Variants in AUTS2 observed in about 807,000 individuals in gnomAD.
The protein encoded by AUTS2 is autism susceptibility gene 2 protein.
A neutral mutation model predicts 112.4 loss-of-function variants in AUTS2; 17 were observed. That is an observed-to-expected ratio of 0.15 (90% confidence interval 0.10 to 0.23). The LOEUF (loss-of-function observed/expected upper bound fraction) is 0.23. Among genes scored for constraint, AUTS2 ranks in the 10% least tolerant of loss-of-function variants. The pLI, the probability that AUTS2 is intolerant of heterozygous loss-of-function variation, is 1.00. For synonymous variants in AUTS2, 751 were observed against 702.7 expected, an observed-to-expected ratio of 1.07 and a Z score of -1.09; for missense variants, 1,510 against 1,701.6, an observed-to-expected ratio of 0.89 and a Z score of 1.98.
At position 69,616,881 on chromosome 7, in the gene AUTS2, G is replaced by C. The variant is rs569327918; in HGVS notation, c.309+16919G>C. ...TATGTATTAGGATTACATTCTCTTT[G>C]AGAAGAAAAAAGTGTCTGGATTTGT... On this transcript the variant is annotated intron_variant, in intron 1 of 18. Coordinates refer to ENST00000342771, the MANE Select transcript of AUTS2 (RefSeq NM_015570.4). Among the ~76,000 whole-genome samples, 11 of 152,052 alleles carry C rather than the reference G, an allele frequency of 7.2e-5. 1 individual carries two copies. The South Asian group carries it at 2.3e-3, about 32-fold the overall frequency.
At chr7:70,033,823 G>A (rs1200188659) in intron 2 of AUTS2, among the ~76,000 whole-genome samples, 2 of 152,042 alleles carry the variant, frequency 1.3e-5, no homozygotes, top group Admixed American at 6.6e-5. Context: ...GTGGAGGGGC[G>A]GGGAGGATAG....
intron 4 of AUTS2, among the ~76,000 whole-genome samples, chr7:70,205,248 G>T (rs1810511049): frequency 6.6e-6 from 1 of 152,054 alleles, no homozygotes; most frequent in African/African-American, 2.4e-5. Context: ...GGATCTCACT[G>T]TATTGCCCAG....
chr7:69,826,999 A>G (rs1791278053), intron 1 of AUTS2, among the ~76,000 whole-genome samples: 1 of 152,120 alleles, frequency 6.6e-6, no homozygotes, highest in Admixed American at 6.5e-5. Flanking sequence ...CTCTGTCTTT[A>G]TTAGGCATTT....
At chr7:70,113,894 C>T (rs569694966) in intron 2 of AUTS2, among the ~76,000 whole-genome samples, 14 of 152,158 alleles carry the variant, frequency 9.2e-5, no homozygotes, top group East Asian at 1.9e-4. Context: ...GATGGGACTT[C>T]GTTACATGTT....
chr7:69,826,726 G>A (rs980831113), intron 1 of AUTS2, among the ~76,000 whole-genome samples: 1 of 152,092 alleles, frequency 6.6e-6, no homozygotes, highest in Non-Finnish European at 1.5e-5. Context: ...TTTGTGTGTG[G>A]TATTTTATTC....
At chr7:70,041,263 A>T (rs937293345) in intron 2 of AUTS2, among the ~76,000 whole-genome samples, 2 of 152,216 alleles carry the variant, frequency 1.3e-5, no homozygotes, top group South Asian at 2.1e-4. Context: ...CTCTTAAAAA[A>T]ATATTATCCA....
chr7:70,570,073 C>G (rs1209445010), intron 5 of AUTS2, among the ~76,000 whole-genome samples: 1 of 152,124 alleles, frequency 6.6e-6, no homozygotes, highest in Non-Finnish European at 1.5e-5. Flanking sequence ...GTGCTTATAC[C>G]TTGTTTTAAT....
chr7:69,600,023 G>T (rs1792292719), intron 1 of AUTS2, 61 bp downstream of exon 1: 1 of 1,560,966 alleles, frequency 6.4e-7, no homozygotes, highest in Non-Finnish European at 8.8e-7. Flanking sequence ...GGCTGCGCCC[G>T]GCTCTCCTGC....
At chr7:69,843,807 A>C (rs1792081285) in intron 1 of AUTS2, among the ~76,000 whole-genome samples, 1 of 152,168 alleles carries the variant, frequency 6.6e-6, no homozygotes, top group Admixed American at 6.5e-5. Context: ...CATTTTAGAG[A>C]AGAGGAAACT....
Position 70,060,948 on chromosome 7 carries a change from CT to C in AUTS2, c.523-57179del, listed in dbSNP as rs1213927462. On this transcript the variant is annotated intron_variant, in intron 2 of 18. Transcript: ENST00000342771. ...CAGAACAGGAATGGCAGGAAACCAG[CT>C]TTTTCTGTTTCTCTGGAGTTCTCTT... Among the ~76,000 whole-genome samples the C allele has an allele frequency of 2.0e-5, 3 of 152,294 alleles. No homozygotes were observed. In the South Asian group the frequency reaches 6.2e-4, roughly 32 times the overall value.
At chr7:70,645,407 G>GA (rs1322219183) in intron 5 of AUTS2, among the ~76,000 whole-genome samples, 2 of 151,944 alleles carry the variant, frequency 1.3e-5, no homozygotes, top group Non-Finnish European at 2.9e-5. Context: ...GATCCAACCG[G>GA]AAGCTGCACC....
In AUTS2 at chr7:69,610,366, A is replaced by G. The variant is rs1036262634; in HGVS notation, c.309+10404A>G. On this transcript the variant is annotated intron_variant, in intron 1 of 18. Coordinates refer to ENST00000342771, the MANE Select transcript of AUTS2 (RefSeq NM_015570.4). Reference sequence around the variant, plus strand: ...CTACCTCTACTCACTCTCTGGACTGATATGTTGACAAAATTGGTGTAAATC... The same window carrying G: ...CTACCTCTACTCACTCTCTGGACTGGTATGTTGACAAAATTGGTGTAAATC... Among the ~76,000 whole-genome samples, 5 of 152,320 alleles carry G rather than the reference A, an allele frequency of 3.3e-5. No homozygotes were observed. The East Asian group carries it at 9.6e-4, about 29-fold the overall frequency.
intron 1 of AUTS2, among the ~76,000 whole-genome samples, chr7:69,836,409 T>C (rs187661293): frequency 8.5e-5 from 13 of 152,242 alleles, no homozygotes; most frequent in Admixed American, 3.3e-4. Flanking sequence ...ATAGAACAAT[T>C]TTATCTTTTT....
intron 2 of AUTS2, among the ~76,000 whole-genome samples, chr7:70,033,306 G>T (rs1042351739): frequency 6.6e-6 from 1 of 152,178 alleles, no homozygotes; most frequent in Non-Finnish European, 1.5e-5. Flanking sequence ...TGTAATGTAT[G>T]TGTATAGTGA....
intron 4 of AUTS2, among the ~76,000 whole-genome samples, chr7:70,415,386 A>G (rs947562898): frequency 6.6e-6 from 1 of 152,224 alleles, no homozygotes; most frequent in African/African-American, 2.4e-5. Context: ...AGCTGATGGA[A>G]TACATGTGTA....
chr7:70,422,737 C>G (rs185827020), intron 4 of AUTS2, among the ~76,000 whole-genome samples: 4 of 152,262 alleles, frequency 2.6e-5, no homozygotes, highest in African/African-American at 9.6e-5. Flanking sequence ...GATCGCGCCA[C>G]TGTGCTCCAG....
At chr7:69,939,148 A>T (rs1209504684) in intron 2 of AUTS2, among the ~76,000 whole-genome samples, 1 of 152,176 alleles carries the variant, frequency 6.6e-6, no homozygotes, top group Non-Finnish European at 1.5e-5. Context: ...CTTACCTATA[A>T]ATGCTGGTGA....
chr7:70,053,027 C>CA (rs929113299), intron 2 of AUTS2, among the ~76,000 whole-genome samples: 2 of 152,184 alleles, frequency 1.3e-5, no homozygotes, highest in African/African-American at 4.8e-5. Flanking sequence ...GCTCAGCACT[C>CA]AGGCTGTGCT....
At chr7:70,765,567 A>G (rs1281565509) in intron 8 of AUTS2, among the ~76,000 whole-genome samples, 1 of 152,176 alleles carries the variant, frequency 6.6e-6, no homozygotes, top group South Asian at 2.1e-4. Flanking sequence ...GTTTTGGTCC[A>G]GTGTAGCCAT....
Sources: allele counts gnomAD v4.1 joint callset (sites outside exome capture counted in the v4.1 genomes callset), GRCh38; gene constraint gnomAD v4.1.1; transcripts MANE v1.5; gene names NCBI Gene and HGNC (gene_info 2026-07-23, HGNC 2026-07-21).